COL13A1: variants seen among roughly 807,000 people sequenced by gnomAD.
COL13A1 encodes collagen alpha-1(XIII) chain.
COL13A1 carries 89 observed loss-of-function variants against 130.9 expected under a neutral mutation model. The observed-to-expected ratio is 0.68, with a 90% CI of 0.57 to 0.81. The LOEUF (loss-of-function observed/expected upper bound fraction) is 0.81. COL13A1 is among the 30% of genes least tolerant of loss of function. The pLI is 0.00. For synonymous variants in COL13A1, 402 were observed against 341.6 expected (o/e 1.18, Z -1.95); for missense variants, 879 against 934.6 (o/e 0.94, Z 0.78).
At chr10:69,942,910 C>T (rs1448940264) in intron 35 of COL13A1, among the ~76,000 whole-genome samples, 1 of 152,168 alleles carries the variant, frequency 6.6e-6, no homozygotes, top group Non-Finnish European at 1.5e-5. Context: ...TGCAGTGGCG[C>T]AATCTTGGCT....
intron 7 of COL13A1, among the ~76,000 whole-genome samples, chr10:69,882,870 G>A (rs988645026): frequency 1.3e-5 from 2 of 152,258 alleles, no homozygotes; most frequent in East Asian, 3.9e-4. Flanking sequence ...ACTACAGCAC[G>A]GGCAGCCCCC....
chr10:69,865,100 G>A (rs1233927338), intron 2 of COL13A1, among the ~76,000 whole-genome samples: 2 of 152,186 alleles, frequency 1.3e-5, no homozygotes, highest in Non-Finnish European at 2.9e-5. Flanking sequence ...GAAGACCCCA[G>A]GATGGGGAGT....
At chr10:69,943,310 C>T (rs1380567374) in intron 35 of COL13A1, among the ~76,000 whole-genome samples, 6 of 152,192 alleles carry the variant, frequency 3.9e-5, no homozygotes, top group African/African-American at 1.4e-4. Flanking sequence ...GGAAACTGTC[C>T]ACAGCCCAAG....
At chr10:69,911,744 G>A (rs2063401678) in intron 17 of COL13A1, among the ~76,000 whole-genome samples, 1 of 152,280 alleles carries the variant, frequency 6.6e-6, no homozygotes, top group African/African-American at 2.4e-5. Flanking sequence ...AGTACTTGGT[G>A]TGTTGCTCTT....
intron 15 of COL13A1, 23 bp from the exon 16 acceptor site, chr10:69,904,910 T>TC: frequency 7.9e-7 from 1 of 1,262,624 alleles, no homozygotes. Context: ...TTTTTCTTTT[T>TC]TTTTTTTTTT....
At position 69,865,074 on chromosome 10, in the gene COL13A1, T is replaced by C. The variant is rs530548626; in HGVS notation, c.365-2724T>C. On this transcript the variant is annotated intron_variant, in intron 2 of 40. Coordinates refer to ENST00000645393, the MANE Select transcript of COL13A1 (RefSeq NM_001368882.1). The stretch of plus-strand genomic sequence containing the variant: ...ACCTCAGCAGGATCAGCATGAGATA[T>C]GGTGTGCTCTGTTAGGAAGACCCCA... 7.4e-5 allele frequency among the ~76,000 whole-genome samples: 11 copies of C among 149,606 alleles called. No individual in the cohort carries two copies. In the South Asian group the frequency reaches 2.2e-3, roughly 30 times the overall value.
At chr10:69,864,175 C>T (rs1275708291) in intron 2 of COL13A1, among the ~76,000 whole-genome samples, 1 of 152,136 alleles carries the variant, frequency 6.6e-6, no homozygotes, top group Non-Finnish European at 1.5e-5. Flanking sequence ...GTTGCTTAAC[C>T]TCTAAGCCTC....
At chr10:69,950,487 C>T (rs899456926) in intron 38 of COL13A1, among the ~76,000 whole-genome samples, 15 of 152,312 alleles carry the variant, frequency 9.8e-5, no homozygotes, top group East Asian at 3.9e-4. Flanking sequence ...TGGGATCCCC[C>T]ACTCTGGCAG....
At chr10:69,901,787 C>T (rs2062205210) in intron 14 of COL13A1, among the ~76,000 whole-genome samples, 1 of 152,204 alleles carries the variant, frequency 6.6e-6, no homozygotes, top group African/African-American at 2.4e-5. Context: ...CCATCTCCTC[C>T]TCCAGGGGGA....
At chr10:69,833,730 C>T (rs2133016495) in intron 2 of COL13A1, among the ~76,000 whole-genome samples, 1 of 152,218 alleles carries the variant, frequency 6.6e-6, no homozygotes, top group East Asian at 1.9e-4. Flanking sequence ...AGAATAGAGA[C>T]CTGAACAACT....
chr10:69,949,956 T>TTGTG (rs1224551006), intron 38 of COL13A1, among the ~76,000 whole-genome samples: 1 of 139,936 alleles, frequency 7.1e-6, no homozygotes, highest in Non-Finnish European at 1.6e-5. Context: ...GTGCGTGTGT[T>TTGTG]TGTGTGTGCG....
chr10:69,805,791 G>C (rs79429811), intron 1 of COL13A1, among the ~76,000 whole-genome samples: 2,498 of 152,330 alleles, frequency 0.016, 71 homozygotes, highest in African/African-American at 0.057. Flanking sequence ...GGGCAGAGGA[G>C]AGCAATGGGT....
At chr10:69,812,940 T>A (rs952351489) in intron 1 of COL13A1, among the ~76,000 whole-genome samples, 7 of 152,216 alleles carry the variant, frequency 4.6e-5, no homozygotes, top group African/African-American at 1.7e-4. Context: ...ATGCCCCGGC[T>A]GGCTCTCAGC....
At position 69,919,077 on chromosome 10, in the gene COL13A1, C is replaced by G; in HGVS notation, c.1015C>G (p.Pro339Ala). The change falls in exon 20 of 41, where the codon CCA becomes GCA. Residue 339 changes from proline (P) to alanine (A), a missense_variant. Pro to Ala is a conservative substitution (Grantham distance 27, BLOSUM62 -1). Around this residue, in one of 3 missense-constraint regions of COL13A1, gnomAD observed 715 missense variants for 721.0 expected, o/e 0.99. Coordinates refer to ENST00000645393, the MANE Select transcript of COL13A1 (RefSeq NM_001368882.1). ...VAGMKGEPGIPGTKGDPGAEG... is the reference protein window; with the variant it reads ...VAGMKGEPGIAGTKGDPGAEG... Reference sequence around the variant, plus strand: ...TTCCACACAGGGTGAGCCAGGGATCCCAGGAACCAAGGTACTGATGCAGAG... The same window carrying G: ...TTCCACACAGGGTGAGCCAGGGATCGCAGGAACCAAGGTACTGATGCAGAG... The G allele has an allele frequency of 6.2e-7, 1 of 1,613,982 alleles. No homozygotes were observed. The highest frequency in any genetic ancestry group is 8.5e-7 in the Non-Finnish European group (1 of 1,179,864).
chr10:69,876,130 G>A (rs961840980), intron 5 of COL13A1, among the ~76,000 whole-genome samples: 1 of 152,222 alleles, frequency 6.6e-6, no homozygotes, highest in Non-Finnish European at 1.5e-5. Flanking sequence ...GTTGTGCTAA[G>A]AGCCTTATGT....
At chr10:69,887,976 G>T (rs914623899) in intron 8 of COL13A1, among the ~76,000 whole-genome samples, 1 of 152,140 alleles carries the variant, frequency 6.6e-6, no homozygotes, top group Non-Finnish European at 1.5e-5. Context: ...CTCAATGCAG[G>T]CCAGCCCCTG....
intron 6 of COL13A1, 28 bp downstream of exon 6, chr10:69,878,093 T>C (rs1165935981): frequency 1.4e-6 from 1 of 702,914 alleles, no homozygotes; most frequent in South Asian, 1.5e-5. Flanking sequence ...CCTTCTGCCC[T>C]GCACCCAGCC....
rs759751897 is a variant in COL13A1, at chr10:69,802,513, G to T, written c.90G>T (p.Ala30=). The T allele has an allele frequency of 1.7e-5, 27 of 1,556,354 alleles. No individual in the cohort carries two copies. In the South Asian group the frequency reaches 2.8e-4, roughly 16 times the overall value. ...CGCCCGGGACGGTGGCTCTGGTGGC[G>T]GCGCGGGCGGAGCGCGGCGCACGGC... ...LGAPGTVALV[A]ARAERGARLP... is the part of the protein sequence containing the mutation. Residue 30 remains alanine, a synonymous_variant, in exon 1 of 41, where the codon GCG becomes GCT. Coordinates refer to ENST00000645393, the MANE Select transcript of COL13A1 (RefSeq NM_001368882.1).
At chr10:69,803,621 CAGGTCCTGGCCATGGA>C (rs112393573) in intron 1 of COL13A1, among the ~76,000 whole-genome samples, 13 of 152,098 alleles carry the variant, frequency 8.5e-5, no homozygotes, top group East Asian at 1.9e-4. Context: ...GGTCCTGGAG[CAGGTCCTGGCCATGGA>C]AGGTCCTGGC....
Sources: gnomAD v4.1 joint callset for allele counts (sites outside exome capture counted in the v4.1 genomes callset) on GRCh38, gnomAD v4.1.1 for gene constraint, gnomAD v4.1.1 regional missense constraint, MANE v1.5 for transcripts, NCBI Gene and HGNC (gene_info 2026-07-23, HGNC 2026-07-21) for gene names.